PCDH15: variants seen among roughly 807,000 people sequenced by gnomAD.
PCDH15 encodes the protein protocadherin-15.
PCDH15 carries 129 observed loss-of-function variants against 178.5 expected under a neutral mutation model. The observed-to-expected ratio is 0.72, with a 90% CI of 0.63 to 0.84. The LOEUF (loss-of-function observed/expected upper bound fraction) is 0.84, where lower values mean the gene tolerates loss of function less well. Among genes scored for constraint, PCDH15 ranks in the 40% least tolerant of loss-of-function variants. The pLI is 0.00. For missense variants in PCDH15, 2,230 were observed against 2,099.9 expected (o/e 1.06, Z -1.21); for synonymous variants, 800 against 732.0 (o/e 1.09, Z -1.50).
At chr10:54,899,562 T>C (rs540974108) in intron 2 of PCDH15, among the ~76,000 whole-genome samples, 2 of 149,318 alleles carry the variant, frequency 1.3e-5, no homozygotes, top group African/African-American at 4.9e-5. Flanking sequence ...AAAGGTGCGA[T>C]CTTGGCTCAC....
intron 9 of PCDH15, among the ~76,000 whole-genome samples, chr10:54,222,416 TAGATGGAATTGTGTAGTATAAAGATTTGG>T (rs2052940064): frequency 6.6e-6 from 1 of 152,366 alleles, no homozygotes; most frequent in East Asian, 1.9e-4. Flanking sequence ...GAATGACATT[TAGATGGAATTGTGTAGTATAAAGATTTGG>T]AGACTGGCTT....
At chr10:54,598,668 G>A (rs552902118) in intron 2 of PCDH15, among the ~76,000 whole-genome samples, 3 of 152,150 alleles carry the variant, frequency 2.0e-5, no homozygotes, top group Non-Finnish European at 4.4e-5. Context: ...CCAAATAGGA[G>A]GAGAGGAAGT....
chr10:54,657,927 T>C (rs2094435600), intron 2 of PCDH15, among the ~76,000 whole-genome samples: 1 of 151,822 alleles, frequency 6.6e-6, no homozygotes, highest in African/African-American at 2.4e-5. Flanking sequence ...ATCAGAAAAA[T>C]GATGAAGGAT....
At chr10:55,391,386 T>A (rs1458037247) in intron 2 of PCDH15, among the ~76,000 whole-genome samples, 1 of 152,134 alleles carries the variant, frequency 6.6e-6, no homozygotes, top group Admixed American at 6.6e-5. Context: ...GTTGGATTGG[T>A]TTGATCTTCT....
chr10:54,366,830 G>A (rs1946892293), intron 5 of PCDH15, among the ~76,000 whole-genome samples: 1 of 151,894 alleles, frequency 6.6e-6, no homozygotes, highest in Non-Finnish European at 1.5e-5. Flanking sequence ...TGACCATAGT[G>A]TCAATGGGAT....
intron 3 of PCDH15, among the ~76,000 whole-genome samples, chr10:54,888,666 A>G (rs1299956155): frequency 6.6e-6 from 1 of 151,842 alleles, no homozygotes; most frequent in Admixed American, 6.6e-5. Flanking sequence ...AGAAATTCTA[A>G]TAGATGTGTG....
chr10:54,002,126 G>GTA, intron 20 of PCDH15, among the ~76,000 whole-genome samples: 1 of 150,260 alleles, frequency 6.7e-6, no homozygotes, highest in East Asian at 2.0e-4. Flanking sequence ...TTCAGTGTGT[G>GTA]TGTGTATATA....
intron 8 of PCDH15, among the ~76,000 whole-genome samples, chr10:54,255,217 C>G (rs2056806828): frequency 6.6e-6 from 1 of 152,168 alleles, no homozygotes; most frequent in Non-Finnish European, 1.5e-5. Flanking sequence ...TATATCCTGA[C>G]ATCGATTTCC....
chr10:55,570,110 T>G lies in PCDH15; in HGVS notation c.-156+57515A>C, dbSNP rs1055328493. Among the ~76,000 whole-genome samples the G allele has an allele frequency of 3.1e-4, 47 of 151,984 alleles. 1 individual carries two copies. Among genetic ancestry groups the G allele is most frequent in the Admixed American group, 2.5e-3 (38 of 15,220 alleles). Reference sequence around the variant, plus strand: ...AAATTCTTACAGTTAGTTGAATTGTTTACACCAACATTGCATTTTTATAAA... The same window carrying G: ...AAATTCTTACAGTTAGTTGAATTGTGTACACCAACATTGCATTTTTATAAA... On this transcript the variant is annotated intron_variant, in intron 2 of 5. Transcript: ENST00000613346.
At chr10:55,333,088 AAATAT>A (rs1358743296) in intron 2 of PCDH15, among the ~76,000 whole-genome samples, 2 of 152,196 alleles carry the variant, frequency 1.3e-5, no homozygotes, top group Non-Finnish European at 2.9e-5. Context: ...TAGAGTCAAC[AAATAT>A]AATAAAATAA....
chr10:54,295,588 T>C (rs933694557), intron 8 of PCDH15, among the ~76,000 whole-genome samples: 2 of 152,170 alleles, frequency 1.3e-5, no homozygotes, highest in Admixed American at 6.6e-5. Context: ...GAAGAAACTC[T>C]GGACGTATCT....
chr10:55,065,352 C>T (rs1294110713), intron 2 of PCDH15, among the ~76,000 whole-genome samples: 2 of 151,952 alleles, frequency 1.3e-5, no homozygotes, highest in Non-Finnish European at 2.9e-5. Flanking sequence ...CTCACCCTTT[C>T]CCCCAGTTAT....
At chr10:54,929,943 C>T (rs1256095306) in intron 2 of PCDH15, among the ~76,000 whole-genome samples, 3 of 152,088 alleles carry the variant, frequency 2.0e-5, no homozygotes, top group South Asian at 2.1e-4. Flanking sequence ...GGAAGTCTTC[C>T]GTGAAGTTTA....
intron 1 of PCDH15, among the ~76,000 whole-genome samples, chr10:55,167,617 T>G (rs987040005): frequency 6.6e-6 from 1 of 152,164 alleles, no homozygotes; most frequent in Non-Finnish European, 1.5e-5. Flanking sequence ...GTGTTTTGAT[T>G]TCAAAGTTAG....
At chr10:54,312,910 T>C (rs570783091) in intron 8 of PCDH15, among the ~76,000 whole-genome samples, 60 of 152,208 alleles carry the variant, frequency 3.9e-4, no homozygotes, top group African/African-American at 1.4e-3. Flanking sequence ...CAAGTAAATA[T>C]ATCTATATTT....
At chr10:55,126,369 T>C (rs1317108518) in intron 2 of PCDH15, among the ~76,000 whole-genome samples, 1 of 152,136 alleles carries the variant, frequency 6.6e-6, no homozygotes, top group African/African-American at 2.4e-5. Context: ...CCTGTGAACT[T>C]TCCTTTAAGA....
intron 26 of PCDH15, among the ~76,000 whole-genome samples, chr10:53,868,050 G>A (rs1247152849): frequency 6.6e-6 from 1 of 151,694 alleles, no homozygotes; most frequent in Non-Finnish European, 1.5e-5. Context: ...TGGCTTTATG[G>A]TGTCTAATTA....
chr10:55,299,273 G>A (rs929049146), intron 1 of PCDH15, among the ~76,000 whole-genome samples: 2 of 152,042 alleles, frequency 1.3e-5, no homozygotes, highest in Non-Finnish European at 2.9e-5. Flanking sequence ...TCTCATGGAG[G>A]TCATTAAAAT....
intron 2 of PCDH15, among the ~76,000 whole-genome samples, chr10:55,370,868 A>G (rs1421522441): frequency 6.6e-6 from 1 of 152,130 alleles, no homozygotes; most frequent in Non-Finnish European, 1.5e-5. Context: ...CATGCCAAAC[A>G]TAGGTATTGG....
Sources: gnomAD v4.1 joint callset for allele counts (sites outside exome capture counted in the v4.1 genomes callset) on GRCh38, gnomAD v4.1.1 for gene constraint, MANE v1.5 for transcripts, NCBI Gene and HGNC (gene_info 2026-07-23, HGNC 2026-07-21) for gene names.